MREG: variants seen among roughly 807,000 people sequenced by gnomAD.
MREG encodes the protein melanoregulin.
Under a neutral mutation model 28.5 loss-of-function variants are expected in MREG, and 31 were observed. The ratio of observed to expected loss-of-function variants is 1.09; its 90% confidence interval spans 0.82 to 1.47. MREG has a LOEUF of 1.47. MREG is among the 40% of genes most tolerant of loss of function. The probability of loss-of-function intolerance (pLI) is 0.00; values close to 1 mark genes in which losing one functional copy is unlikely to be tolerated. For missense variants in MREG, 256 were observed against 257.4 expected, an observed-to-expected ratio of 0.99 and a Z score of 0.04; for synonymous variants, 106 against 95.2, an observed-to-expected ratio of 1.11 and a Z score of -0.66.
In MREG at chr2:215,943,025, A is replaced by G. The variant is rs1244953304; in HGVS notation, c.*1838T>C. 1.9e-5 allele frequency: 3 copies of G among 155,242 alleles called. No individual in the cohort carries two copies. The highest frequency in any genetic ancestry group is 2.9e-5 in the Non-Finnish European group (2 of 69,614). 9.6% of individuals were successfully genotyped at this position (155,242 alleles called of 1,614,324 possible). On this transcript the variant is annotated 3_prime_UTR_variant, in exon 5 of 5. Coordinates refer to ENST00000263268, the MANE Select transcript of MREG (RefSeq NM_018000.3). ...TCTACAATGCATTAATAAATGGAGA[A>G]CACGGATCTCGCCTATGAAATATTT...
chr2:215,960,994 G>T (rs990591770), intron 2 of MREG, among the ~76,000 whole-genome samples: 10 of 152,220 alleles, frequency 6.6e-5, no homozygotes, highest in African/African-American at 2.4e-4. Context: ...ACTGTTCCTA[G>T]ACAGCTGGTG....
At chr2:215,963,415 G>T (rs1475379151) in intron 2 of MREG, among the ~76,000 whole-genome samples, 4 of 138,304 alleles carry the variant, frequency 2.9e-5, no homozygotes. Flanking sequence ...CAGCCTGAGT[G>T]ATAGAGTGAG....
rs377242833 is a variant in MREG, at chr2:215,986,542, T to A, written c.255+9764A>T. 5.9e-5 allele frequency among the ~76,000 whole-genome samples: 9 copies of A among 152,348 alleles called. No homozygotes were observed. The South Asian group carries it at 1.0e-3, about 18-fold the overall frequency. ...AGTGTTTTTCCTAGTTTCCCAAGAA[T>A]GAAGTGATATAGTTTGGCTGTGTCC... is the stretch of plus-strand genomic sequence containing the variant. On this transcript the variant is annotated intron_variant, in intron 2 of 4. Coordinates refer to ENST00000263268, the MANE Select transcript of MREG (RefSeq NM_018000.3).
chr2:216,017,088 C>G (rs1362368440), upstream of MREG, among the ~76,000 whole-genome samples: 2 of 152,134 alleles, frequency 1.3e-5, no homozygotes, highest in African/African-American at 4.8e-5. Flanking sequence ...TGGTACAAAC[C>G]TTTTTCTGGA....
At position 215,952,508 on chromosome 2, in the gene MREG, C is replaced by T. The variant is rs1692516998; in HGVS notation, c.256-5395G>A. Among the ~76,000 whole-genome samples, 4 of 152,236 alleles carry T rather than the reference C, an allele frequency of 2.6e-5. No individual in the cohort carries two copies. In the South Asian group the frequency reaches 6.2e-4, roughly 24 times the overall value. ...AAATTAAAACACAACATCTGATTCT[C>T]ATCTGTATTACTGAGTTTGTAGATA... On this transcript the variant is annotated intron_variant, in intron 2 of 4. Transcript: ENST00000263268.
chr2:215,959,665 C>T (rs569566509), intron 2 of MREG, among the ~76,000 whole-genome samples: 3 of 152,204 alleles, frequency 2.0e-5, no homozygotes, highest in Non-Finnish European at 4.4e-5. Context: ...CATGATCTGA[C>T]CTTTCTGGTC....
intron 1 of MREG, among the ~76,000 whole-genome samples, chr2:216,007,207 G>A (rs529794399): frequency 3.3e-5 from 5 of 152,132 alleles, no homozygotes; most frequent in South Asian, 4.2e-4. Context: ...TCGCCCACTC[G>A]TCAAAATTTA....
chr2:216,017,628 A>C (rs1239486048), upstream of MREG, among the ~76,000 whole-genome samples: 4 of 152,144 alleles, frequency 2.6e-5, no homozygotes, highest in Non-Finnish European at 5.9e-5. Context: ...GATGTCCGGG[A>C]AGTAGGCAGT....
At chr2:215,945,119 C>T (rs555012558) in intron 4 of MREG, 122 bp from the exon 5 acceptor site, 202 of 1,026,928 alleles carry the variant, frequency 2.0e-4, no homozygotes, top group Non-Finnish European at 2.5e-4. Context: ...GCAAGTAAGA[C>T]GTTTATTAAT....
chr2:215,967,435 C>A (rs1271700567), intron 2 of MREG, among the ~76,000 whole-genome samples: 1 of 152,098 alleles, frequency 6.6e-6, no homozygotes, highest in Admixed American at 6.6e-5. Context: ...CACTGTTTAG[C>A]CATTTTTCAA....
chr2:215,956,363 C>A (rs143064547), intron 2 of MREG, among the ~76,000 whole-genome samples: 1 of 152,166 alleles, frequency 6.6e-6, no homozygotes, highest in Non-Finnish European at 1.5e-5. Context: ...ACCTACCTAC[C>A]TTCCTACCTA....
At chr2:215,971,293 A>G (rs1693089190) in intron 2 of MREG, among the ~76,000 whole-genome samples, 1 of 152,182 alleles carries the variant, frequency 6.6e-6, no homozygotes, top group Non-Finnish European at 1.5e-5. Flanking sequence ...GCATCCCAGA[A>G]CTTAAAGCAA....
In MREG at chr2:215,943,770, G is replaced by A. The variant is rs1574583965; in HGVS notation, c.*1093C>T. 1 of 236,426 alleles carries A rather than the reference G, an allele frequency of 4.2e-6. No homozygotes were observed. Among genetic ancestry groups the A allele is most frequent in the East Asian group, 1.1e-4 (1 of 9,166 alleles). The allele number at this position is 236,426 out of a possible 1,614,324, so 14.6% of individuals were successfully genotyped here. A position where few individuals can be genotyped will look rare whatever the true frequency, so the allele number is the denominator to read the frequency against. The stretch of plus-strand genomic sequence containing the variant: ...GCAGGGGAATCACTTGAAACCGGAA[G>A]GCGGAGGTTGCAGTGAGCCGAGATC... On this transcript the variant is annotated 3_prime_UTR_variant, in exon 5 of 5. Transcript: ENST00000263268.
chr2:215,982,335 CAAA>C (rs35108598), intron 2 of MREG, among the ~76,000 whole-genome samples: 2 of 135,770 alleles, frequency 1.5e-5, no homozygotes, highest in East Asian at 2.1e-4. Context: ...AAAACTCCGT[CAAA>C]AAAAAAAAAA....
intron 2 of MREG, 30 bp from the exon 3 acceptor site, chr2:215,947,143 T>C (rs745944041): frequency 6.8e-7 from 1 of 1,475,694 alleles, no homozygotes; most frequent in Non-Finnish European, 9.4e-7. Flanking sequence ...TAGTTTTATT[T>C]ATACCCCTTG....
upstream of MREG, among the ~76,000 whole-genome samples, chr2:216,017,816 G>A (rs1309253956): frequency 6.6e-6 from 1 of 152,050 alleles, no homozygotes; most frequent in East Asian, 1.9e-4. Flanking sequence ...GGGAGTTAGA[G>A]GAAAAAGCAC....
chr2:216,003,455 G>A (rs1694071779), intron 1 of MREG, among the ~76,000 whole-genome samples: 1 of 152,192 alleles, frequency 6.6e-6, no homozygotes, highest in Non-Finnish European at 1.5e-5. Flanking sequence ...GAGGGCTCAG[G>A]AGGAAGACCC....
intron 2 of MREG, among the ~76,000 whole-genome samples, chr2:215,970,186 A>G (rs1206872195): frequency 6.6e-6 from 1 of 152,126 alleles, no homozygotes; most frequent in Non-Finnish European, 1.5e-5. Context: ...TGCTTTCCCA[A>G]TAAGAAGGGG....
chr2:215,958,988 G>A (rs555731792), intron 2 of MREG, among the ~76,000 whole-genome samples: 1 of 152,234 alleles, frequency 6.6e-6, no homozygotes, highest in East Asian at 1.9e-4. Context: ...CCTGCCTAGA[G>A]TCTAAGTCAA....
Sources: allele counts gnomAD v4.1 joint callset (sites outside exome capture counted in the v4.1 genomes callset), GRCh38; gene constraint gnomAD v4.1.1; transcripts MANE v1.5; gene names NCBI Gene and HGNC (gene_info 2026-07-23, HGNC 2026-07-21).